Variants in ANKRD33B observed in about 807,000 individuals in gnomAD.
ANKRD33B encodes the protein ankyrin repeat domain-containing protein 33B.
In ANKRD33B, 6 loss-of-function variants were observed where a neutral mutation model predicts 21.5. The observed-to-expected ratio is 0.28, with a 90% CI of 0.15 to 0.55. ANKRD33B has a LOEUF of 0.55. ANKRD33B is among the 20% of genes least tolerant of loss of function. The probability of loss-of-function intolerance (pLI) is 0.94; values close to 1 mark genes in which losing one functional copy is unlikely to be tolerated. For synonymous variants in ANKRD33B, 347 were observed against 342.4 expected (o/e 1.01, Z -0.15); for missense variants, 698 against 747.2 (o/e 0.93, Z 0.77).
In ANKRD33B at chr5:10,633,448, T is replaced by G. The variant is rs1736780675; in HGVS notation, c.497-4580T>G. Among the ~76,000 whole-genome samples, 4 of 152,310 alleles carry G rather than the reference T, an allele frequency of 2.6e-5. No homozygotes were observed. In the South Asian group the frequency reaches 8.3e-4, roughly 32 times the overall value. ...CTTTTGATTTGAGAATAGTTTATGT[T>G]TACAGAGAAACCACAAACACTGTAC... On this transcript the variant is annotated intron_variant, in intron 2 of 3. Coordinates refer to ENST00000296657, the MANE Select transcript of ANKRD33B (RefSeq NM_001164440.2).
In ANKRD33B at chr5:10,574,425, A is replaced by G. The variant is rs537061044; in HGVS notation, c.366+9592A>G. 3.9e-5 allele frequency among the ~76,000 whole-genome samples: 6 copies of G among 152,344 alleles called. No homozygotes were observed. In the South Asian group the frequency reaches 1.0e-3, roughly 26 times the overall value. ...ATTTTTTTTTTCTAGATCTAACACA[A>G]TTCTAAATAACTCCTAGATAAAATG... is the stretch of plus-strand genomic sequence containing the variant. On this transcript the variant is annotated intron_variant, in intron 1 of 3. Coordinates refer to ENST00000296657, the MANE Select transcript of ANKRD33B (RefSeq NM_001164440.2).
chr5:10,635,016 C>T (rs984376039), intron 2 of ANKRD33B, among the ~76,000 whole-genome samples: 8 of 151,562 alleles, frequency 5.3e-5, no homozygotes, highest in Non-Finnish European at 8.8e-5. Flanking sequence ...CTTGGATCAT[C>T]GAAAGCTCAG....
Position 10,650,130 on chromosome 5 carries a change from CGCTGGGGCCGGG to C in ANKRD33B, c.*32_*43del, listed in dbSNP as rs751521436. The C allele has an allele frequency of 2.8e-4, 407 of 1,464,064 alleles. No individual in the cohort carries two copies. The highest frequency in any genetic ancestry group is 4.6e-4 in the African/African-American group (30 of 65,480). The allele number at this position is 1,464,064 out of a possible 1,614,324, so 90.7% of individuals were successfully genotyped here. The stretch of plus-strand genomic sequence containing the variant: ...AGGACGTGAGGGCCCGTGTGCCTGG[CGCTGGGGCCGGG>C]GCTGGGGCCGGGGCGGGGCCGCAGG... On this transcript the variant is annotated 3_prime_UTR_variant, in exon 4 of 4. Transcript: ENST00000296657.
At chr5:10,622,806 TTA>T (rs1491337799) in intron 2 of ANKRD33B, among the ~76,000 whole-genome samples, 6,231 of 126,720 alleles carry the variant, frequency 0.049, 420 homozygotes, top group African/African-American at 0.13. Flanking sequence ...TTATTTTATT[TTA>T]TTTTTTTTTT....
At chr5:10,639,234 T>G (rs531695404) in intron 3 of ANKRD33B, among the ~76,000 whole-genome samples, 2 of 20,504 alleles carry the variant, frequency 9.8e-5, no homozygotes, top group South Asian at 2.5e-3. Flanking sequence ...GCGGGTGACG[T>G]GGGGTTGCGC....
At chr5:10,636,796 A>C (rs866801351) in intron 2 of ANKRD33B, among the ~76,000 whole-genome samples, 1 of 152,214 alleles carries the variant, frequency 6.6e-6, no homozygotes, top group Non-Finnish European at 1.5e-5. Context: ...AGCTCTTTCC[A>C]CCAGGTGTGG....
Position 10,656,976 on chromosome 5 carries a change from TAAGAA to T in ANKRD33B, c.*6866_*6870del, listed in dbSNP as rs1417388744. ...ACTACACCCCTCTATTGTTTTTAAA[TAAGAA>T]AAAAAAAAACCCCACGAAACTTTCC... On this transcript the variant is annotated 3_prime_UTR_variant, in exon 4 of 4. Coordinates refer to ENST00000296657, the MANE Select transcript of ANKRD33B (RefSeq NM_001164440.2). 2.3e-5 allele frequency: 3 copies of T among 130,330 alleles called. No individual in the cohort carries two copies. The highest frequency in any genetic ancestry group is 8.9e-5 in the African/African-American group (3 of 33,526). The allele number at this position is 130,330 out of a possible 1,614,324, so 8.1% of individuals were successfully genotyped here.
intron 1 of ANKRD33B, among the ~76,000 whole-genome samples, chr5:10,590,589 TGCGCGC>T (rs34685376): frequency 0.35 from 52,936 of 150,300 alleles, 10,202 homozygotes; most frequent in Non-Finnish European, 0.44. Context: ...TATTTTGAGA[TGCGCGC>T]GCGCGCGCGC....
chr5:10,640,299 GCGCCAT>G (rs1425405996), intron 3 of ANKRD33B, among the ~76,000 whole-genome samples: 1 of 152,144 alleles, frequency 6.6e-6, no homozygotes, highest in Non-Finnish European at 1.5e-5. Flanking sequence ...TTTGTCTTTT[GCGCCAT>G]CTTGGAGAAC....
Position 10,650,035 on chromosome 5 carries a change from G to A in ANKRD33B, c.1407G>A (p.Lys469=). 1.3e-6 allele frequency: 2 copies of A among 1,532,562 alleles called. No homozygotes were observed. Among genetic ancestry groups the A allele is most frequent in the East Asian group, 2.5e-5 (1 of 40,628 alleles). 94.9% of individuals were successfully genotyped at this position (1,532,562 alleles called of 1,614,324 possible). A position where few individuals can be genotyped will look rare whatever the true frequency, so the allele number is the denominator to read the frequency against. Residue 469 remains lysine, a synonymous_variant, in exon 4 of 4, where the codon AAG becomes AAA. Coordinates refer to ENST00000296657, the MANE Select transcript of ANKRD33B (RefSeq NM_001164440.2). ...RYKEAKEEKR[K]AEEAEKKRQA... ...AGGAGGCCAAGGAGGAGAAGAGGAA[G>A]GCAGAGGAGGCCGAAAAGAAGCGCC...
At chr5:10,565,039 G>A (rs1417984843) in intron 1 of ANKRD33B, among the ~76,000 whole-genome samples, 1 of 152,232 alleles carries the variant, frequency 6.6e-6, no homozygotes, top group Non-Finnish European at 1.5e-5. Context: ...GGTGCGGGGA[G>A]GGAGCAGTCG....
At chr5:10,631,848 C>T (rs986556862) in intron 2 of ANKRD33B, among the ~76,000 whole-genome samples, 3 of 152,144 alleles carry the variant, frequency 2.0e-5, no homozygotes, top group Non-Finnish European at 2.9e-5. Context: ...GTGGACCTGC[C>T]GGACGCACTC....
chr5:10,564,922 C>T, intron 1 of ANKRD33B, 89 bp downstream of exon 1: 11 of 1,409,188 alleles, frequency 7.8e-6, no homozygotes, highest in Non-Finnish European at 1.0e-5. Flanking sequence ...CAGCTCCTGG[C>T]TCCGGACCGG....
intron 3 of ANKRD33B, among the ~76,000 whole-genome samples, chr5:10,643,184 T>C (rs1297704036): frequency 6.6e-6 from 1 of 152,126 alleles, no homozygotes; most frequent in Admixed American, 6.5e-5. Flanking sequence ...ATTACAGGTG[T>C]GAGCCACCGC....
chr5:10,601,326 T>C (rs1735924923), intron 1 of ANKRD33B, among the ~76,000 whole-genome samples: 1 of 152,148 alleles, frequency 6.6e-6, no homozygotes, highest in Non-Finnish European at 1.5e-5. Context: ...TGGAAGCCCG[T>C]CATGACCCAG....
intron 2 of ANKRD33B, chr5:10,624,696 T>C (rs1047841079): frequency 6.6e-6 from 3 of 452,422 alleles, no homozygotes; most frequent in African/African-American, 6.0e-5. Context: ...GCCGAAGAGA[T>C]TTTCCCTAAT....
In ANKRD33B at chr5:10,649,310, C is replaced by T; in HGVS notation, c.682C>T (p.Gln228Ter). 6.5e-7 allele frequency: 1 copy of T among 1,533,044 alleles called. No homozygotes were observed. Among genetic ancestry groups the T allele is most frequent in the East Asian group, 2.5e-5 (1 of 40,816 alleles). The allele number at this position is 1,533,044 out of a possible 1,614,324, so 95.0% of individuals were successfully genotyped here. A position where few individuals can be genotyped will look rare whatever the true frequency, so the allele number is the denominator to read the frequency against. Reference protein sequence around the residue: ...ARDPRRGMSPQEWATYTGRVD... With the variant: ...ARDPRRGMSP ...GGACCCCCGCCGTGGGATGTCGCCG[C>T]AGGAGTGGGCCACTTACACGGGCCG... Residue 228 changes from glutamine (Q) to a stop codon, truncating the protein, a stop_gained, in exon 4 of 4, where the codon CAG (glutamine) becomes TAG (stop). Transcript: ENST00000296657. LOFTEE classifies it low-confidence loss of function (END_TRUNC).
At chr5:10,569,752 A>G (rs896170785) in intron 1 of ANKRD33B, among the ~76,000 whole-genome samples, 1 of 152,198 alleles carries the variant, frequency 6.6e-6, no homozygotes, top group Non-Finnish European at 1.5e-5. Flanking sequence ...AGGAGGTCTC[A>G]GCTGAAATGG....
intron 1 of ANKRD33B, among the ~76,000 whole-genome samples, chr5:10,580,694 G>C (rs1402896004): frequency 6.6e-6 from 1 of 152,074 alleles, no homozygotes; most frequent in East Asian, 1.9e-4. Flanking sequence ...CTTTGGTGGG[G>C]TGTCGGGGGT....
Sources: gnomAD v4.1 joint callset for allele counts (sites outside exome capture counted in the v4.1 genomes callset) on GRCh38, gnomAD v4.1.1 for gene constraint, MANE v1.5 for transcripts, NCBI Gene and HGNC (gene_info 2026-07-23, HGNC 2026-07-21) for gene names.